Variants in TXN observed in about 807,000 individuals in gnomAD.
TXN encodes the protein ADF.
TXN carries 10 observed loss-of-function variants against 16.5 expected under a neutral mutation model. That is an observed-to-expected ratio of 0.61 (90% CI 0.37 to 1.03). The LOEUF is 1.03. Ranked by LOEUF, TXN falls within the 50% of genes least tolerant of loss-of-function variation. The pLI, the probability that TXN is intolerant of heterozygous loss-of-function variation, is 0.01. For missense variants in TXN, 71 were observed against 122.5 expected (o/e 0.58, Z 1.98); for synonymous variants, 35 against 39.4 (o/e 0.89, Z 0.42).
rs1169332628 is a variant in TXN, at chr9:110,255,772, T to A, written c.24+640A>T. ...CTCCAGCCGCAATCCGCCCCCTTAG[T>A]GCGGATACAGCACGCGTCACCTTTG... On this transcript the variant is annotated intron_variant, in intron 1 of 4. Transcript: ENST00000374517. Among the ~76,000 whole-genome samples, 2 of 152,128 alleles carry A rather than the reference T, an allele frequency of 1.3e-5. 1 individual carries two copies. The highest frequency in any genetic ancestry group is 2.9e-5 in the Non-Finnish European group (2 of 67,992).
chr9:110,253,620 A>C (rs1837768729), intron 1 of TXN, among the ~76,000 whole-genome samples: 1 of 152,206 alleles, frequency 6.6e-6, no homozygotes, highest in Non-Finnish European at 1.5e-5. Flanking sequence ...AACATACTCA[A>C]GGCTTTTCCA....
At chr9:110,245,619 T>C (rs1285643367) in intron 3 of TXN, among the ~76,000 whole-genome samples, 7 of 19,112 alleles carry the variant, frequency 3.7e-4, no homozygotes, top group African/African-American at 1.4e-3. Flanking sequence ...ACACACACAC[T>C]ATATATATAT....
chr9:110,244,270 T>C (rs756958899), intron 4 of TXN, 51 bp from the exon 5 acceptor site: 1 of 1,004,716 alleles, frequency 1.0e-6, no homozygotes, highest in South Asian at 2.3e-5. Flanking sequence ...TAGCACTGTT[T>C]TATACATAAA....
At chr9:110,244,310 CATATACATATGTATAT>C (rs1424803319) in intron 4 of TXN, 91 bp from the exon 5 acceptor site, 19 of 376,924 alleles carry the variant, frequency 5.0e-5, no homozygotes, top group East Asian at 1.9e-4. Context: ...TATATATATA[CATATACATATGTATAT>C]ATATACATAT....
Position 110,245,638 on chromosome 9 carries a change from ATATATATATATATATATTTTTTTTTTTT to A in TXN, c.190-823_190-796del, listed in dbSNP as rs1317686993. On this transcript the variant is annotated intron_variant, in intron 3 of 4. Transcript: ENST00000374517. ...ACACACTATATATATATATATATAT[ATATATATATATATATATTTTTTTTTTTT>A]TTTTTTTATAGGGACAAGGTCTCTC... 1.0e-4 allele frequency among the ~76,000 whole-genome samples: 3 copies of A among 28,782 alleles called. No homozygotes were observed. In the East Asian group the frequency reaches 3.5e-3, roughly 34 times the overall value. The allele number at this position is 28,782 out of a possible 152,430, so 18.9% of individuals were successfully genotyped here.
At chr9:110,253,458 T>G (rs1371577482) in intron 1 of TXN, among the ~76,000 whole-genome samples, 1 of 152,196 alleles carries the variant, frequency 6.6e-6, no homozygotes, top group Non-Finnish European at 1.5e-5. Flanking sequence ...TTCAAGAAAG[T>G]TAAACCAGGC....
intron 1 of TXN, among the ~76,000 whole-genome samples, chr9:110,252,093 A>G (rs1837746854): frequency 6.6e-6 from 1 of 151,976 alleles, no homozygotes; most frequent in Admixed American, 6.6e-5. Flanking sequence ...GCGTGGTGGC[A>G]TATGCCTGTA....
intron 1 of TXN, among the ~76,000 whole-genome samples, chr9:110,252,155 C>T (rs758811385): frequency 3.0e-5 from 4 of 134,294 alleles, no homozygotes; most frequent in Non-Finnish European, 4.6e-5. Flanking sequence ...ACTCAGGAGG[C>T]GGAGGTTGCA....
At chr9:110,245,116 G>GAT in intron 3 of TXN, 1 of 282,826 alleles carries the variant, frequency 3.5e-6, no homozygotes, top group South Asian at 4.6e-5. Context: ...ACTAGCATCA[G>GAT]ATACTCCAGC....
chr9:110,245,648 ATATATAT>A lies in TXN; in HGVS notation c.190-812_190-806del, dbSNP rs1378372176. ...TATATATATATATATATATATATAT[ATATATAT>A]TTTTTTTTTTTTTTTTTTATAGGGA... On this transcript the variant is annotated intron_variant, in intron 3 of 4. Coordinates refer to ENST00000374517, the MANE Select transcript of TXN (RefSeq NM_003329.4). Among the ~76,000 whole-genome samples the A allele has an allele frequency of 2.5e-3, 60 of 23,532 alleles. 1 individual carries two copies. The highest frequency in any genetic ancestry group is 2.5e-3 in the Non-Finnish European group (35 of 14,148). 15.4% of individuals were successfully genotyped at this position (23,532 alleles called of 152,430 possible). A position where few individuals can be genotyped will look rare whatever the true frequency, so the allele number is the denominator to read the frequency against.
At chr9:110,245,654 A>ATATATATATATATATTTT (rs1232332404) in intron 3 of TXN, among the ~76,000 whole-genome samples, 3 of 21,770 alleles carry the variant, frequency 1.4e-4, no homozygotes, top group African/African-American at 5.9e-4. Flanking sequence ...ATATATATAT[A>ATATATATATATATATTTT]TTTTTTTTTT....
intron 3 of TXN, among the ~76,000 whole-genome samples, chr9:110,247,554 T>C (rs892644872): frequency 6.6e-6 from 1 of 152,212 alleles, no homozygotes; most frequent in African/African-American, 2.4e-5. Context: ...CCCATCGCAT[T>C]AGCTGGTGCA....
At chr9:110,244,682 C>A in intron 4 of TXN, 96 bp downstream of exon 4, 3 of 1,089,874 alleles carry the variant, frequency 2.8e-6, no homozygotes, top group Non-Finnish European at 4.1e-6. Flanking sequence ...TGGTGATATG[C>A]CTCAATCTTT....
chr9:110,248,104 T>C (rs1837681169), intron 3 of TXN, among the ~76,000 whole-genome samples: 1 of 152,226 alleles, frequency 6.6e-6, no homozygotes, highest in Non-Finnish European at 1.5e-5. Flanking sequence ...ATTCGTGTTT[T>C]AAGCTAAGTG....
At position 110,256,442 on chromosome 9, in the gene TXN, T is replaced by C. The variant is rs376483951; in HGVS notation, c.-7A>G. On this transcript the variant is annotated 5_prime_UTR_variant, in exon 1 of 5. Coordinates refer to ENST00000374517, the MANE Select transcript of TXN (RefSeq NM_003329.4). The surrounding 1 kb of genome is among the most constrained non-coding windows in gnomAD (Gnocchi z 4.2). ...TCTCGATCTGCTTCACCATCTTGGCTGCTGGAGTCTGACGAGCGGCTGTAA... is the reference window on the plus strand; with the variant it reads ...TCTCGATCTGCTTCACCATCTTGGCCGCTGGAGTCTGACGAGCGGCTGTAA... 1.2e-6 allele frequency: 2 copies of C among 1,606,374 alleles called. No individual in the cohort carries two copies. The highest frequency in any genetic ancestry group is 1.3e-5 in the African/African-American group (1 of 74,740).
intron 3 of TXN, among the ~76,000 whole-genome samples, chr9:110,245,616 CACTATA>C (rs1362498075): frequency 8.1e-5 from 6 of 73,640 alleles, no homozygotes; most frequent in African/African-American, 2.8e-4. Context: ...CACACACACA[CACTATA>C]TATATATATA....
In TXN at chr9:110,251,129, G is replaced by GA. The variant is rs34249598; in HGVS notation, c.129+228dup. 1.3e-4 allele frequency among the ~76,000 whole-genome samples: 20 copies of GA among 151,962 alleles called. No homozygotes were observed. The South Asian group carries it at 1.7e-3, about 13-fold the overall frequency. ...AATAAGGCCCATGTTTCAATGTGGG[G>GA]AAAAAAAGAACTATTTAAGACAAAA... On this transcript the variant is annotated intron_variant, in intron 2 of 4. Coordinates refer to ENST00000374517, the MANE Select transcript of TXN (RefSeq NM_003329.4).
At position 110,245,654 on chromosome 9, in the gene TXN, A is replaced by ATTTT. The variant is rs1228829953; in HGVS notation, c.190-815_190-812dup. Among the ~76,000 whole-genome samples, 33 of 21,772 alleles carry ATTTT rather than the reference A, an allele frequency of 1.5e-3. 3 individuals are homozygous for ATTTT. The highest frequency in any genetic ancestry group is 6.3e-3 in the African/African-American group (32 of 5,048). The allele number at this position is 21,772 out of a possible 152,430, so 14.3% of individuals were successfully genotyped here. Reference sequence around the variant, plus strand: ...TATATATATATATATATATATATATATTTTTTTTTTTTTTTTTTTATAGGG... The same window carrying ATTTT: ...TATATATATATATATATATATATATATTTTTTTTTTTTTTTTTTTTTTTATAGGG... On this transcript the variant is annotated intron_variant, in intron 3 of 4. Transcript: ENST00000374517.
In TXN at chr9:110,253,775, CG is replaced by C. The variant is rs532188763; in HGVS notation, c.25-2314del. Among the ~76,000 whole-genome samples, 10 of 152,286 alleles carry C rather than the reference CG, an allele frequency of 6.6e-5. No individual in the cohort carries two copies. In the East Asian group the frequency reaches 1.9e-3, roughly 29 times the overall value. ...CAAATTCTCTTCTGATACTTCTAAA[CG>C]GGTATCAGCTTGAAAATTATTCAAG... On this transcript the variant is annotated intron_variant, in intron 1 of 4. Transcript: ENST00000374517.
Sources: gnomAD v4.1 joint callset for allele counts (sites outside exome capture counted in the v4.1 genomes callset) on GRCh38, gnomAD v4.1.1 for gene constraint, Gnocchi (gnomAD v3.1) non-coding constraint, MANE v1.5 for transcripts, NCBI Gene and HGNC (gene_info 2026-07-23, HGNC 2026-07-21) for gene names.